Variants in ELFN2 observed in about 807,000 individuals in gnomAD.
ELFN2 encodes extracellular leucine rich repeat and fibronectin type III domain containing 2, also known as protein phosphatase 1 regulatory subunit 29.
ELFN2 carries 17 observed loss-of-function variants against 45.5 expected under a neutral mutation model. That is an observed-to-expected ratio of 0.37 (90% CI 0.26 to 0.56). The LOEUF is 0.56. ELFN2 is among the 20% of genes least tolerant of loss of function. The probability of loss-of-function intolerance (pLI) is 0.77; values close to 1 mark genes in which losing one functional copy is unlikely to be tolerated. For synonymous variants in ELFN2, 550 were observed against 551.5 expected (o/e 1.00, Z 0.04); for missense variants, 922 against 1,183.2 (o/e 0.78, Z 3.24).
intron 2 of ELFN2, among the ~76,000 whole-genome samples, chr22:37,379,933 C>G (rs995160221): frequency 6.6e-6 from 1 of 152,194 alleles, no homozygotes; most frequent in African/African-American, 2.4e-5. Flanking sequence ...CCCTGCCCCC[C>G]CTCGGAGGGC....
At chr22:37,359,994 T>A (rs539244447) in intron 1 of ELFN2, among the ~76,000 whole-genome samples, 1 of 152,334 alleles carries the variant, frequency 6.6e-6, no homozygotes, top group Non-Finnish European at 1.5e-5. Flanking sequence ...GAGCTGTAAC[T>A]TCCAGGTCAT....
chr22:37,377,832 AG>A (rs1931625461), intron 2 of ELFN2, among the ~76,000 whole-genome samples: 1 of 152,162 alleles, frequency 6.6e-6, no homozygotes, highest in African/African-American at 2.4e-5. Flanking sequence ...TGCTATGCAA[AG>A]GTCTCAGGGC....
chr22:37,374,619 A>G lies in ELFN2; in HGVS notation c.916T>C (p.Phe306Leu). ...GPAIKLHHVT[F>L]TSATLVVIIP... ...ATGACCACCAGGGTGGCCGAGGTGA[A>G]CGTGACGTGGTGCAGCTTGATGGCT... The change falls in exon 3 of 3, where the codon TTC (phenylalanine) becomes CTC (leucine). Residue 306 changes from phenylalanine to leucine, a missense_variant. Around this residue, in one of 2 missense-constraint regions of ELFN2, gnomAD observed 358 missense variants for 540.4 expected, o/e 0.66. Coordinates refer to ENST00000402918, the MANE Select transcript of ELFN2 (RefSeq NM_052906.5). 2 of 1,614,094 alleles carry G rather than the reference A, an allele frequency of 1.2e-6. No individual in the cohort carries two copies. Among genetic ancestry groups the G allele is most frequent in the Non-Finnish European group, 8.5e-7 (1 of 1,179,976 alleles).
chr22:37,401,504 G>C (rs2145671698), intron 2 of ELFN2, among the ~76,000 whole-genome samples: 1 of 152,302 alleles, frequency 6.6e-6, no homozygotes, highest in Middle Eastern at 3.4e-3. Flanking sequence ...TGGGATTCAG[G>C]CCAGCTGCTC....
At chr22:37,351,274 C>T (rs927106112) in intron 1 of ELFN2, among the ~76,000 whole-genome samples, 1 of 149,912 alleles carries the variant, frequency 6.7e-6, no homozygotes, top group Non-Finnish European at 1.5e-5. Flanking sequence ...CACTCCTCTC[C>T]TCTCCTGCCC....
intron 1 of ELFN2, chr22:37,420,237 G>T (rs1297482017): frequency 1.3e-5 from 2 of 152,048 alleles, no homozygotes; most frequent in Admixed American, 6.5e-5. Flanking sequence ...CCAGGTCCGC[G>T]GCAGTTCCCG....
chr22:37,374,227 CT>C lies in ELFN2; in HGVS notation c.1307del (p.Lys436ArgfsTer41). ...EEKQKSVNVK[K>X]TILEMRYGAD... ...CCCCGTAGCGCATCTCCAGGATGGT[CT>C]TCTTGACGTTGACAGACTTCTGCTT... On this transcript the variant is annotated frameshift_variant, in exon 3 of 3. Coordinates refer to ENST00000402918, the MANE Select transcript of ELFN2 (RefSeq NM_052906.5). LOFTEE classifies it high-confidence loss of function. The C allele has an allele frequency of 6.2e-7, 1 of 1,613,936 alleles. No homozygotes were observed. Among genetic ancestry groups the C allele is most frequent in the Non-Finnish European group, 8.5e-7 (1 of 1,180,038 alleles).
In ELFN2 at chr22:37,407,572, G is replaced by A. The variant is rs1473729831; in HGVS notation, c.-463+10197C>T. On this transcript the variant is annotated intron_variant, in intron 2 of 2. Transcript: ENST00000402918. ...GTGGACAAGCGATGGGGCCACCACA[G>A]GTAGGGCTTATGGCAGCATTTTTTA... is the stretch of plus-strand genomic sequence containing the variant. Among the ~76,000 whole-genome samples, 6 of 152,186 alleles carry A rather than the reference G, an allele frequency of 3.9e-5. No individual in the cohort carries two copies. The East Asian group carries it at 9.7e-4, about 24-fold the overall frequency.
chr22:37,410,921 C>T (rs1264340028), intron 2 of ELFN2, among the ~76,000 whole-genome samples: 2 of 152,198 alleles, frequency 1.3e-5, no homozygotes, highest in African/African-American at 4.8e-5. Flanking sequence ...GCACCCAGAA[C>T]CGGGACTCCA....
chr22:37,350,824 A>G (rs1930804964), intron 1 of ELFN2, among the ~76,000 whole-genome samples: 1 of 148,304 alleles, frequency 6.7e-6, no homozygotes, highest in South Asian at 2.1e-4. Context: ...CGAGGCCTCC[A>G]GGCAGTCTCC....
intron 1 of ELFN2, among the ~76,000 whole-genome samples, chr22:37,351,904 T>C (rs1406034430): frequency 6.6e-6 from 1 of 151,126 alleles, no homozygotes; most frequent in Non-Finnish European, 1.5e-5. Context: ...GATTCTCTCC[T>C]TCCTGTTCTG....
chr22:37,357,075 T>C (rs900810166), intron 1 of ELFN2, among the ~76,000 whole-genome samples: 1 of 152,176 alleles, frequency 6.6e-6, no homozygotes, highest in African/African-American at 2.4e-5. Flanking sequence ...ACCCCTCCTC[T>C]TGTTACTTTG....
chr22:37,380,515 G>T (rs1012953956), intron 2 of ELFN2, among the ~76,000 whole-genome samples: 1 of 152,200 alleles, frequency 6.6e-6, no homozygotes, highest in Non-Finnish European at 1.5e-5. Context: ...AGGAGCAGGT[G>T]GGGGGAAGCG....
intron 2 of ELFN2, among the ~76,000 whole-genome samples, chr22:37,389,085 G>C (rs1426071920): frequency 1.3e-5 from 2 of 152,146 alleles, no homozygotes; most frequent in Non-Finnish European, 2.9e-5. Flanking sequence ...GTCAATTGGG[G>C]CCACAATGAG....
chr22:37,382,282 C>A lies in ELFN2; in HGVS notation c.-462-6286G>T, dbSNP rs1402734607. ...CAGGGCTCTCAGCGCCCACCTAAAG[C>A]TACTGGTTCTCCTTTTTTTTTTCCT... is the stretch of plus-strand genomic sequence containing the variant. On this transcript the variant is annotated intron_variant, in intron 2 of 2. Transcript: ENST00000402918. Among the ~76,000 whole-genome samples, 4 of 128,126 alleles carry A rather than the reference C, an allele frequency of 3.1e-5. No homozygotes were observed. In the East Asian group the frequency reaches 9.2e-4, roughly 29 times the overall value. 84.1% of individuals were successfully genotyped at this position (128,126 alleles called of 152,430 possible). A position where few individuals can be genotyped will look rare whatever the true frequency, so the allele number is the denominator to read the frequency against.
intron 1 of ELFN2, among the ~76,000 whole-genome samples, chr22:37,359,941 C>A (rs1931042470): frequency 6.6e-6 from 1 of 152,230 alleles, no homozygotes; most frequent in Admixed American, 6.5e-5. Flanking sequence ...CTTTTCATCA[C>A]ATGCAAATTA....
chr22:37,397,608 C>T (rs902966004), intron 2 of ELFN2, among the ~76,000 whole-genome samples: 2 of 152,214 alleles, frequency 1.3e-5, no homozygotes, highest in African/African-American at 4.8e-5. Flanking sequence ...CCAAGGTCAG[C>T]TGACTCTGCT....
chr22:37,379,647 C>A (rs1397123659), intron 2 of ELFN2, among the ~76,000 whole-genome samples: 1 of 152,214 alleles, frequency 6.6e-6, no homozygotes, highest in Non-Finnish European at 1.5e-5. Flanking sequence ...AGGACGTCCC[C>A]TCTCATGGGG....
intron 2 of ELFN2, among the ~76,000 whole-genome samples, chr22:37,381,887 C>G (rs933313614): frequency 1.4e-5 from 2 of 142,666 alleles, no homozygotes; most frequent in East Asian, 4.4e-4. Context: ...ACCCGGGAGG[C>G]GGAGCGTGCA....
Sources: gnomAD v4.1 joint callset for allele counts (sites outside exome capture counted in the v4.1 genomes callset) on GRCh38, gnomAD v4.1.1 for gene constraint, gnomAD v4.1.1 regional missense constraint, MANE v1.5 for transcripts, NCBI Gene and HGNC (gene_info 2026-07-23, HGNC 2026-07-21) for gene names.